PCDH15: variants seen among roughly 807,000 people sequenced by gnomAD.
PCDH15 encodes protocadherin-15.
PCDH15 carries 129 observed loss-of-function variants against 178.5 expected under a neutral mutation model. The ratio of observed to expected loss-of-function variants is 0.72; its 90% CI spans 0.63 to 0.84. The LOEUF (loss-of-function observed/expected upper bound fraction) is 0.84, where lower values mean the gene tolerates loss of function less well. PCDH15 is among the 40% of genes least tolerant of loss of function. The probability of loss-of-function intolerance (pLI) is 0.00; values close to 1 mark genes in which losing one functional copy is unlikely to be tolerated. For synonymous variants in PCDH15, 800 were observed against 732.0 expected, an observed-to-expected ratio of 1.09 and a Z score of -1.50; for missense variants, 2,230 against 2,099.9, an observed-to-expected ratio of 1.06 and a Z score of -1.21.
Position 53,901,376 on chromosome 10 carries a change from C to G in PCDH15, c.3501+1867G>C, listed in dbSNP as rs145741277. The stretch of plus-strand genomic sequence containing the variant: ...ACCACCAAGTCATTCTTGATTTTTC[C>G]TAATGTCCCATGTATGATTCATCGG... On this transcript the variant is annotated intron_variant, in intron 26 of 37. Coordinates refer to ENST00000644397, the MANE Select transcript of PCDH15 (RefSeq NM_001384140.1). 5.2e-3 allele frequency among the ~76,000 whole-genome samples: 798 copies of G among 152,184 alleles called. 7 individuals carry two copies. Among genetic ancestry groups the G allele is most frequent in the African/African-American group, 0.015 (631 of 41,528 alleles).
At chr10:54,027,203 G>A (rs1050289404) in intron 18 of PCDH15, among the ~76,000 whole-genome samples, 5 of 148,676 alleles carry the variant, frequency 3.4e-5, no homozygotes, top group African/African-American at 1.3e-4. Flanking sequence ...GCTTCAAAGA[G>A]GATAAAATAC....
chr10:55,470,813 C>T (rs1839940101), intron 2 of PCDH15, among the ~76,000 whole-genome samples: 1 of 151,984 alleles, frequency 6.6e-6, no homozygotes, highest in African/African-American at 2.4e-5. Flanking sequence ...GCTGCACCAG[C>T]TCATCCCTCA....
intron 2 of PCDH15, among the ~76,000 whole-genome samples, chr10:55,428,673 T>C (rs1239919083): frequency 6.6e-6 from 1 of 151,972 alleles, no homozygotes; most frequent in Non-Finnish European, 1.5e-5. Context: ...TTCAATCTGA[T>C]AAATTTTGTC....
At chr10:55,144,343 T>C (rs1459339622) in intron 2 of PCDH15, among the ~76,000 whole-genome samples, 1 of 151,972 alleles carries the variant, frequency 6.6e-6, no homozygotes, top group Non-Finnish European at 1.5e-5. Context: ...CTCAAAAACA[T>C]CTCAACTTTG....
chr10:54,494,742 A>C (rs541435416), intron 3 of PCDH15, among the ~76,000 whole-genome samples: 82 of 152,072 alleles, frequency 5.4e-4, no homozygotes, highest in Non-Finnish European at 1.1e-3. Context: ...TTCACCTCAC[A>C]ATAATTCTTT....
At chr10:54,421,950 T>C (rs867165475) in intron 3 of PCDH15, among the ~76,000 whole-genome samples, 2,513 of 89,790 alleles carry the variant, frequency 0.028, 169 homozygotes, top group African/African-American at 0.1. Flanking sequence ...TATATAAAAA[T>C]ATATATATAT....
At chr10:54,181,080 A>C (rs1424917460) in intron 13 of PCDH15, among the ~76,000 whole-genome samples, 5 of 152,116 alleles carry the variant, frequency 3.3e-5, no homozygotes, top group African/African-American at 4.8e-5. Flanking sequence ...TTTCTGTGTA[A>C]ACTTACTTTC....
chr10:54,015,967 A>T (rs150415083), intron 20 of PCDH15, among the ~76,000 whole-genome samples: 1,680 of 152,122 alleles, frequency 0.011, 33 homozygotes, highest in African/African-American at 0.039. Context: ...AAAACTATCA[A>T]CAGAGTAAAC....
At chr10:54,979,197 T>G (rs1344590085) in intron 2 of PCDH15, among the ~76,000 whole-genome samples, 5 of 152,172 alleles carry the variant, frequency 3.3e-5, no homozygotes, top group Non-Finnish European at 7.3e-5. Flanking sequence ...TCAGAAATGA[T>G]TTGTTATGGT....
intron 1 of PCDH15, among the ~76,000 whole-genome samples, chr10:55,230,228 AT>A (rs1158372412): frequency 6.6e-6 from 1 of 151,990 alleles, no homozygotes; most frequent in African/African-American, 2.4e-5. Context: ...AGAGTTATTA[AT>A]TTTTTTAAAT....
At chr10:55,416,499 G>T (rs1321245885) in intron 2 of PCDH15, among the ~76,000 whole-genome samples, 2 of 151,718 alleles carry the variant, frequency 1.3e-5, no homozygotes, top group African/African-American at 4.8e-5. Context: ...GCACAAAAAT[G>T]AATAAATTGA....
At chr10:54,193,297 G>T (rs1187519518) in intron 11 of PCDH15, among the ~76,000 whole-genome samples, 4 of 152,272 alleles carry the variant, frequency 2.6e-5, no homozygotes, top group African/African-American at 9.6e-5. Flanking sequence ...ATAGGGCTTA[G>T]TGTGTAACCA....
chr10:54,602,030 C>A (rs78244090), intron 2 of PCDH15, among the ~76,000 whole-genome samples: 1 of 151,876 alleles, frequency 6.6e-6, no homozygotes, highest in Non-Finnish European at 1.5e-5. Context: ...TAGTTATTAG[C>A]TACTTTGCTT....
At chr10:54,042,812 G>C (rs1165170295) in intron 18 of PCDH15, among the ~76,000 whole-genome samples, 1 of 152,104 alleles carries the variant, frequency 6.6e-6, no homozygotes, top group Non-Finnish European at 1.5e-5. Context: ...CTGTAGTGCA[G>C]AAATTGACTG....
chr10:55,182,780 T>G (rs936366433), intron 1 of PCDH15, among the ~76,000 whole-genome samples: 2 of 151,942 alleles, frequency 1.3e-5, no homozygotes, highest in East Asian at 1.9e-4. Flanking sequence ...AGGAAAGAAA[T>G]GATGTACTTT....
At chr10:54,825,826 G>T (rs756776136) in intron 3 of PCDH15, among the ~76,000 whole-genome samples, 12 of 152,088 alleles carry the variant, frequency 7.9e-5, no homozygotes, top group Middle Eastern at 3.4e-3. Flanking sequence ...CCTTTTTCAT[G>T]CCAGGATATG....
intron 2 of PCDH15, among the ~76,000 whole-genome samples, chr10:55,420,356 T>C (rs7915528): frequency 0.27 from 40,951 of 151,408 alleles, 6,782 homozygotes; most frequent in African/African-American, 0.47. Context: ...CTCTCTGACA[T>C]TTTACAGAAG....
intron 2 of PCDH15, among the ~76,000 whole-genome samples, chr10:55,453,767 A>G (rs1347611734): frequency 3.9e-5 from 6 of 151,940 alleles, no homozygotes; most frequent in African/African-American, 1.5e-4. Flanking sequence ...ATGCTCTCCT[A>G]CCTCTATACC....
intron 2 of PCDH15, among the ~76,000 whole-genome samples, chr10:54,640,913 G>A (rs2093973141): frequency 6.6e-6 from 1 of 152,016 alleles, no homozygotes; most frequent in Non-Finnish European, 1.5e-5. Context: ...AGACCAGCCT[G>A]GCTGACATGG....
Sources: allele counts gnomAD v4.1 joint callset (sites outside exome capture counted in the v4.1 genomes callset), GRCh38; gene constraint gnomAD v4.1.1; transcripts MANE v1.5; gene names NCBI Gene and HGNC (gene_info 2026-07-23, HGNC 2026-07-21).